Variants in QRICH1 observed in about 807,000 individuals in gnomAD.
The protein encoded by QRICH1 is transcriptional regulator QRICH1.
A neutral mutation model predicts 87.1 loss-of-function variants in QRICH1; 16 were observed. That is an observed-to-expected ratio of 0.18 (90% CI 0.12 to 0.28). The LOEUF (loss-of-function observed/expected upper bound fraction) is 0.28, where lower values mean the gene tolerates loss of function less well. QRICH1 is among the 10% of genes least tolerant of loss of function. The pLI is 1.00. For synonymous variants in QRICH1, 367 were observed against 368.4 expected (o/e 1.00, Z 0.05); for missense variants, 647 against 951.7 (o/e 0.68, Z 4.21).
At chr3:49,080,862 A>C (rs1436380720) in intron 1 of QRICH1, among the ~76,000 whole-genome samples, 1 of 151,556 alleles carries the variant, frequency 6.6e-6, no homozygotes, top group African/African-American at 2.4e-5. Flanking sequence ...AATAGTATAA[A>C]AAGATATAAA....
At position 49,076,721 on chromosome 3, in the gene QRICH1, C is replaced by T. The variant is rs569625386; in HGVS notation, c.297G>A (p.Pro99=). 24 of 1,573,300 alleles carry T rather than the reference C, an allele frequency of 1.5e-5. No homozygotes were observed. In the Admixed American group the frequency reaches 2.1e-4, roughly 14 times the overall value. The change falls in exon 2 of 10, where the codon CCG becomes CCA. Residue 99 remains proline, a synonymous_variant. Coordinates refer to ENST00000395443, the MANE Select transcript of QRICH1 (RefSeq NM_198880.3). ...QQEQQIQVQQ[P]QQVQVQVQVQ... ...ATTTCCCATATACCTGAACCTGCTG[C>T]GGCTGCTGAACCTGGATCTGCTGTT...
At chr3:49,063,025 A>G (rs1282454920) in intron 2 of QRICH1, among the ~76,000 whole-genome samples, 1 of 151,444 alleles carries the variant, frequency 6.6e-6, no homozygotes, top group African/African-American at 2.4e-5. Flanking sequence ...TCAGGTTTTG[A>G]GATCACAGAC....
At chr3:49,045,558 AT>A (rs1365752080) in intron 5 of QRICH1, among the ~76,000 whole-genome samples, 1 of 151,708 alleles carries the variant, frequency 6.6e-6, no homozygotes, top group Admixed American at 6.6e-5. Context: ...AGCCTCCCAA[AT>A]AGCTGGGACT....
At chr3:49,064,639 G>A (rs937853586) in intron 2 of QRICH1, among the ~76,000 whole-genome samples, 1 of 152,148 alleles carries the variant, frequency 6.6e-6, no homozygotes, top group Admixed American at 6.6e-5. Flanking sequence ...GCCAAGGTGG[G>A]TGGATCACAA....
At chr3:49,040,063 A>C (rs2093301205) in intron 6 of QRICH1, among the ~76,000 whole-genome samples, 1 of 152,256 alleles carries the variant, frequency 6.6e-6, no homozygotes. Context: ...TCCGTCTCAA[A>C]AGCCAAAAAA....
At chr3:49,035,664 A>T (rs2106822301) in intron 6 of QRICH1, among the ~76,000 whole-genome samples, 1 of 152,064 alleles carries the variant, frequency 6.6e-6, no homozygotes, top group Admixed American at 6.6e-5. Context: ...AAAAAACAAA[A>T]AAAAACAGCT....
In QRICH1 at chr3:49,031,677, A is replaced by C. The variant is rs569923816; in HGVS notation, c.2138+506T>G. On this transcript the variant is annotated intron_variant, in intron 9 of 9. Coordinates refer to ENST00000395443, the MANE Select transcript of QRICH1 (RefSeq NM_198880.3). ...TGTGTTTAAGTTGAGAAGAGGCATA[A>C]TATGATGTCCTTGAGTGGAGAGGAG... Among the ~76,000 whole-genome samples, 426 of 152,306 alleles carry C rather than the reference A, an allele frequency of 2.8e-3. 4 individuals are homozygous for C. Among genetic ancestry groups the C allele is most frequent in the African/African-American group, 9.7e-3 (405 of 41,558 alleles).
In QRICH1 at chr3:49,083,224, G is replaced by C. The variant is rs866126264; in HGVS notation, c.-21-6186C>G. 803 of 144,830 alleles carry C rather than the reference G, an allele frequency of 5.5e-3. 34 individuals are homozygous for C. The highest frequency in any genetic ancestry group is 4.5e-3 in the Non-Finnish European group (296 of 66,120). 9.0% of individuals were successfully genotyped at this position (144,830 alleles called of 1,614,324 possible). A position where few individuals can be genotyped will look rare whatever the true frequency, so the allele number is the denominator to read the frequency against. Reference sequence around the variant, plus strand: ...TGTCTCAAAAAAAAAAAAAAAAGGGGGGGGGGGAGCCTGGGATGATGGTGC... The same window carrying C: ...TGTCTCAAAAAAAAAAAAAAAAGGGCGGGGGGGAGCCTGGGATGATGGTGC... On this transcript the variant is annotated intron_variant, in intron 1 of 9. Coordinates refer to ENST00000395443, the MANE Select transcript of QRICH1 (RefSeq NM_198880.3).
At chr3:49,087,551 T>C (rs2042189394) in intron 1 of QRICH1, among the ~76,000 whole-genome samples, 1 of 149,618 alleles carries the variant, frequency 6.7e-6, no homozygotes, top group South Asian at 2.1e-4. Flanking sequence ...TCTCAAAAAA[T>C]AATAAGAAAA....
At chr3:49,064,756 G>A (rs1182126167) in intron 2 of QRICH1, among the ~76,000 whole-genome samples, 1 of 151,932 alleles carries the variant, frequency 6.6e-6, no homozygotes, top group Admixed American at 6.6e-5. Flanking sequence ...TGGCTCATGC[G>A]TATAATCTCA....
chr3:49,080,007 C>T (rs1224919106), intron 1 of QRICH1, among the ~76,000 whole-genome samples: 7 of 146,048 alleles, frequency 4.8e-5, no homozygotes, highest in Non-Finnish European at 8.9e-5. Context: ...CCAGCCTGGG[C>T]GCCAGACTGA....
intron 9 of QRICH1, among the ~76,000 whole-genome samples, chr3:49,031,038 G>A (rs2093234785): frequency 6.7e-6 from 1 of 148,878 alleles, no homozygotes; most frequent in African/African-American, 2.5e-5. Context: ...CCAGGCTGGA[G>A]TGCAGTGAGG....
intron 1 of QRICH1, among the ~76,000 whole-genome samples, chr3:49,089,603 T>C (rs1400884797): frequency 6.6e-6 from 1 of 152,170 alleles, no homozygotes; most frequent in African/African-American, 2.4e-5. Flanking sequence ...TATCTATCAA[T>C]AGTGGAATAG....
chr3:49,057,120 C>A lies in QRICH1; in HGVS notation c.1080G>T (p.Lys360Asn). The change falls in exon 3 of 10, where the codon AAG (lysine) becomes AAT (asparagine). Residue 360 changes from lysine to asparagine, a missense_variant. Transcript: ENST00000395443. The surrounding 1 kb of genome is among the most constrained non-coding windows in gnomAD (Gnocchi z 5.4). ...AAVKLEDDKEKMVGTTSVVKN... is the reference protein window; with the variant it reads ...AAVKLEDDKENMVGTTSVVKN... ...TCACTACAGATGTGGTGCCCACCATCTTCTCCTTGTCATCCTCCAGCTTAA... is the reference window on the plus strand; with the variant it reads ...TCACTACAGATGTGGTGCCCACCATATTCTCCTTGTCATCCTCCAGCTTAA... 1 of 1,614,226 alleles carries A rather than the reference C, an allele frequency of 6.2e-7. No individual in the cohort carries two copies. The highest frequency in any genetic ancestry group is 1.1e-5 in the South Asian group (1 of 91,088).
chr3:49,033,509 A>G, intron 6 of QRICH1: 1 of 279,480 alleles, frequency 3.6e-6, no homozygotes, highest in East Asian at 6.0e-5. Flanking sequence ...AGGCTAACAC[A>G]GGGCAAAAAG....
At chr3:49,081,753 G>A (rs976011181) in intron 1 of QRICH1, among the ~76,000 whole-genome samples, 3 of 151,702 alleles carry the variant, frequency 2.0e-5, no homozygotes, top group East Asian at 1.9e-4. Context: ...TGCCCACCTC[G>A]GCCTCCCAAA....
intron 6 of QRICH1, among the ~76,000 whole-genome samples, chr3:49,040,096 A>G (rs1396047386): frequency 1.3e-5 from 2 of 152,156 alleles, no homozygotes; most frequent in African/African-American, 2.4e-5. Flanking sequence ...AAGATTTGCC[A>G]TGGAAAATGG....
At chr3:49,081,827 A>G (rs2042067225) in intron 1 of QRICH1, among the ~76,000 whole-genome samples, 1 of 144,520 alleles carries the variant, frequency 6.9e-6, no homozygotes, top group Non-Finnish European at 1.5e-5. Context: ...TTTTTTTTTG[A>G]GACAGAGTCT....
At chr3:49,045,455 A>G (rs1189405608) in intron 5 of QRICH1, among the ~76,000 whole-genome samples, 1 of 152,098 alleles carries the variant, frequency 6.6e-6, no homozygotes, top group African/African-American at 2.4e-5. Flanking sequence ...TTAAGAGGCA[A>G]GGTCTTGCTT....
Sources: gnomAD v4.1 joint callset for allele counts (sites outside exome capture counted in the v4.1 genomes callset) on GRCh38, gnomAD v4.1.1 for gene constraint, Gnocchi (gnomAD v3.1) non-coding constraint, MANE v1.5 for transcripts, NCBI Gene and HGNC (gene_info 2026-07-23, HGNC 2026-07-21) for gene names.